PTPRD: variants seen among roughly 807,000 people sequenced by gnomAD.
PTPRD encodes protein tyrosine phosphatase receptor type D.
PTPRD carries 34 observed loss-of-function variants against 214.5 expected under a neutral mutation model. The ratio of observed to expected loss-of-function variants is 0.16; its 90% confidence interval spans 0.12 to 0.21. The LOEUF (loss-of-function observed/expected upper bound fraction) is 0.21. Among genes scored for constraint, PTPRD ranks in the 10% least tolerant of loss-of-function variants. PTPRD has a pLI of 1.00. For missense variants in PTPRD, 2,545 were observed against 2,398.7 expected, an observed-to-expected ratio of 1.06 and a Z score of -1.27; for synonymous variants, 1,128 against 845.7, an observed-to-expected ratio of 1.33 and a Z score of -5.79.
intron 5 of PTPRD, among the ~76,000 whole-genome samples, chr9:9,879,994 C>G (rs141310093): frequency 0.015 from 2,307 of 152,180 alleles, 54 homozygotes; most frequent in African/African-American, 0.053. Flanking sequence ...TATGGCTTGC[C>G]TCTGTGTCCC....
At chr9:10,264,463 T>C (rs534385821) in intron 3 of PTPRD, among the ~76,000 whole-genome samples, 41 of 152,338 alleles carry the variant, frequency 2.7e-4, no homozygotes, top group African/African-American at 8.7e-4. Context: ...GAGATCATTT[T>C]GGAGCTTTAA....
intron 11 of PTPRD, among the ~76,000 whole-genome samples, chr9:8,917,364 C>T (rs1361848837): frequency 6.6e-6 from 1 of 151,344 alleles, no homozygotes; most frequent in East Asian, 1.9e-4. Context: ...TCTCCAACTC[C>T]TGACCTCTGG....
chr9:9,559,293 G>A (rs1483761553), intron 8 of PTPRD, among the ~76,000 whole-genome samples: 2 of 152,180 alleles, frequency 1.3e-5, no homozygotes, highest in Non-Finnish European at 2.9e-5. Context: ...CTGCTTCCCA[G>A]TCTGGGAGTT....
chr9:10,571,497 C>G (rs2067424050), intron 2 of PTPRD, among the ~76,000 whole-genome samples: 1 of 152,054 alleles, frequency 6.6e-6, no homozygotes, highest in Admixed American at 6.6e-5. Flanking sequence ...TGAGACAGGC[C>G]TTGATTTAAA....
At chr9:10,533,297 G>T (rs780236282) in intron 2 of PTPRD, among the ~76,000 whole-genome samples, 3 of 152,076 alleles carry the variant, frequency 2.0e-5, no homozygotes, top group Non-Finnish European at 4.4e-5. Context: ...CAGGAATTCT[G>T]TGATAGCAAC....
In PTPRD at chr9:10,113,221, T is replaced by C. The variant is rs180921241; in HGVS notation, c.-544-79431A>G. Among the ~76,000 whole-genome samples, 85 of 152,312 alleles carry C rather than the reference T, an allele frequency of 5.6e-4. 1 individual carries two copies. The highest frequency in any genetic ancestry group is 4.5e-3 in the Admixed American group (69 of 15,290). ...ATAACTAAACAGGAACTGTTTCCAGTGCTTTCATAAAAAATTTATTTGTTC... is the reference window on the plus strand; with the variant it reads ...ATAACTAAACAGGAACTGTTTCCAGCGCTTTCATAAAAAATTTATTTGTTC... On this transcript the variant is annotated intron_variant, in intron 3 of 45. Transcript: ENST00000381196.
At chr9:8,943,138 C>G (rs144915753) in intron 11 of PTPRD, among the ~76,000 whole-genome samples, 1,617 of 151,994 alleles carry the variant, frequency 0.011, 13 homozygotes, top group Middle Eastern at 0.021. Context: ...GAAGAGGACA[C>G]AAAAAATGGA....
At chr9:10,043,338 G>C (rs1236274881) in intron 3 of PTPRD, among the ~76,000 whole-genome samples, 1 of 151,860 alleles carries the variant, frequency 6.6e-6, no homozygotes, top group Non-Finnish European at 1.5e-5. Flanking sequence ...AGATCAAAAT[G>C]ATGCTTGATA....
chr9:9,394,951 A>G (rs1036477097), intron 9 of PTPRD, among the ~76,000 whole-genome samples: 5 of 152,226 alleles, frequency 3.3e-5, no homozygotes, highest in Admixed American at 6.6e-5. Context: ...AATCAAATGA[A>G]TTTTAATAAT....
rs149278332 is a variant in PTPRD at position 8,704,183 on chromosome 9, G to A, written c.64+29597C>T. Among the ~76,000 whole-genome samples, 471 of 152,152 alleles carry A rather than the reference G, an allele frequency of 3.1e-3. 2 individuals are homozygous for A. Among genetic ancestry groups the A allele is most frequent in the Admixed American group, 3.4e-3 (52 of 15,270 alleles). Reference sequence around the variant, plus strand: ...GATGAACACTGAGTTTACAGAGCAGGCAAAGTTCACACTCCACACCAGAGC... The same window carrying A: ...GATGAACACTGAGTTTACAGAGCAGACAAAGTTCACACTCCACACCAGAGC... On this transcript the variant is annotated intron_variant, in intron 12 of 45. Transcript: ENST00000381196.
At chr9:10,066,399 C>T (rs1003752552) in intron 3 of PTPRD, among the ~76,000 whole-genome samples, 2 of 151,778 alleles carry the variant, frequency 1.3e-5, no homozygotes, top group African/African-American at 4.8e-5. Flanking sequence ...CCTTTAACCA[C>T]TTCACTAATT....
At chr9:10,496,885 A>G (rs2042217288) in intron 2 of PTPRD, among the ~76,000 whole-genome samples, 1 of 151,908 alleles carries the variant, frequency 6.6e-6, no homozygotes, top group African/African-American at 2.4e-5. Flanking sequence ...GTTTGCAAGT[A>G]TTTTCTCCCA....
intron 3 of PTPRD, among the ~76,000 whole-genome samples, chr9:10,155,648 AC>A (rs1483414961): frequency 6.6e-6 from 1 of 152,102 alleles, no homozygotes; most frequent in Non-Finnish European, 1.5e-5. Flanking sequence ...AGAGTTTTTA[AC>A]ATGAAGTGGT....
chr9:10,483,979 A>G (rs2099116656), intron 2 of PTPRD, among the ~76,000 whole-genome samples: 1 of 152,204 alleles, frequency 6.6e-6, no homozygotes, highest in Non-Finnish European at 1.5e-5. Flanking sequence ...AAACATGTAT[A>G]TCGCAGTAAA....
chr9:9,319,991 G>A (rs573421852), intron 9 of PTPRD, among the ~76,000 whole-genome samples: 1 of 152,126 alleles, frequency 6.6e-6, no homozygotes, highest in African/African-American at 2.4e-5. Context: ...TTCCAAAAAG[G>A]AAACTTCCTA....
chr9:9,655,411 A>C (rs1248772648), intron 7 of PTPRD, among the ~76,000 whole-genome samples: 1 of 152,010 alleles, frequency 6.6e-6, no homozygotes, highest in Non-Finnish European at 1.5e-5. Flanking sequence ...CTGTACTAAA[A>C]TACAAAAATT....
At chr9:10,322,979 T>C in intron 3 of PTPRD, among the ~76,000 whole-genome samples, 1 of 152,016 alleles carries the variant, frequency 6.6e-6, no homozygotes. Flanking sequence ...ATACAGATTC[T>C]ATTAAAATTA....
intron 8 of PTPRD, among the ~76,000 whole-genome samples, chr9:9,443,021 T>C (rs2088820401): frequency 6.6e-6 from 1 of 152,162 alleles, no homozygotes; most frequent in South Asian, 2.1e-4. Flanking sequence ...TATTCTTTCT[T>C]AAATTGGCTT....
intron 8 of PTPRD, among the ~76,000 whole-genome samples, chr9:9,530,128 G>A (rs2075126875): frequency 6.6e-6 from 1 of 151,848 alleles, no homozygotes; most frequent in Non-Finnish European, 1.5e-5. Flanking sequence ...ACTCAAAATT[G>A]GCAGAAGGAA....
Sources: allele counts gnomAD v4.1 joint callset (sites outside exome capture counted in the v4.1 genomes callset), GRCh38; gene constraint gnomAD v4.1.1; transcripts MANE v1.5; gene names NCBI Gene and HGNC (gene_info 2026-07-23, HGNC 2026-07-21).